Variants in FBLN1 observed in about 807,000 individuals in gnomAD.
FBLN1 encodes fibulin-1.
Under a neutral mutation model 89.7 loss-of-function variants are expected in FBLN1, and 34 were observed. The ratio of observed to expected loss-of-function variants is 0.38; its 90% CI spans 0.29 to 0.50. The LOEUF (loss-of-function observed/expected upper bound fraction) is 0.50, where lower values mean the gene tolerates loss of function less well. Among genes scored for constraint, FBLN1 ranks in the 20% least tolerant of loss-of-function variants. The pLI is 0.92. For missense variants in FBLN1, 777 were observed against 988.1 expected, an observed-to-expected ratio of 0.79 and a Z score of 2.86; for synonymous variants, 393 against 391.3, an observed-to-expected ratio of 1.00 and a Z score of -0.05.
intron 2 of FBLN1, among the ~76,000 whole-genome samples, chr22:45,522,184 A>G (rs1019512773): frequency 1.3e-5 from 2 of 152,024 alleles, no homozygotes; most frequent in African/African-American, 4.8e-5. Flanking sequence ...CGGGAGTTTC[A>G]CCATGTTGGC....
chr22:45,509,606 C>T (rs1378083059), intron 1 of FBLN1, among the ~76,000 whole-genome samples: 2 of 152,178 alleles, frequency 1.3e-5, no homozygotes, highest in Non-Finnish European at 2.9e-5. Context: ...TGGCTGGACC[C>T]CTGGTGGCTT....
At chr22:45,514,050 T>C (rs1194953006) in intron 1 of FBLN1, among the ~76,000 whole-genome samples, 4 of 152,164 alleles carry the variant, frequency 2.6e-5, no homozygotes, top group Non-Finnish European at 5.9e-5. Context: ...CTCGACCTGC[T>C]GGGATTACAG....
rs1043783932 is a variant in FBLN1, at chr22:45,535,710, C to T, written c.922+373C>T. 9.6e-5 allele frequency: 22 copies of T among 229,970 alleles called. No homozygotes were observed. In the Admixed American group the frequency reaches 9.9e-4, roughly 10 times the overall value. The allele number at this position is 229,970 out of a possible 1,614,324, so 14.2% of individuals were successfully genotyped here. A position where few individuals can be genotyped will look rare whatever the true frequency, so the allele number is the denominator to read the frequency against. ...GCTTGGGTTTTGGAGTTAGAGTGACCCAAGAAAATTACTTCTGAGCTTTAA... is the reference window on the plus strand; with the variant it reads ...GCTTGGGTTTTGGAGTTAGAGTGACTCAAGAAAATTACTTCTGAGCTTTAA... On this transcript the variant is annotated intron_variant, in intron 8 of 16. Transcript: ENST00000327858.
chr22:45,535,274 C>A lies in FBLN1; in HGVS notation c.859C>A (p.Arg287Ser). ...CTGTCAGAATACTCTGGGATCCTTC[C>A]GCTGCCGACCCAAGCTACAGTGCAA... ...FICQNTLGSF[R>S]CRPKLQCKSG... The change falls in exon 8 of 17, where the codon CGC (arginine) becomes AGC (serine). Residue 287 changes from arginine to serine, a missense_variant. Physicochemically the swap from Arg to Ser is moderately radical, Grantham distance 110. Coordinates refer to ENST00000327858, the MANE Select transcript of FBLN1 (RefSeq NM_006486.3). 1 of 1,614,178 alleles carries A rather than the reference C, an allele frequency of 6.2e-7. No homozygotes were observed. Among genetic ancestry groups the A allele is most frequent in the Non-Finnish European group, 8.5e-7 (1 of 1,180,040 alleles).
chr22:45,541,214 C>G lies in FBLN1; in HGVS notation c.923-15C>G. On this transcript the variant is annotated splice_polypyrimidine_tract_variant and intron_variant, in intron 8 of 16. Transcript: ENST00000327858. ...CCAGGTTTAACCACATGGTCTCTGT[C>G]TTTTCCCGCTGTAGATATCAATGAG... 1 of 1,614,226 alleles carries G rather than the reference C, an allele frequency of 6.2e-7. No individual in the cohort carries two copies. The highest frequency in any genetic ancestry group is 1.1e-5 in the South Asian group (1 of 91,078).
At chr22:45,589,983 TA>T (rs1208938827) in intron 16 of FBLN1, among the ~76,000 whole-genome samples, 1 of 152,196 alleles carries the variant, frequency 6.6e-6, no homozygotes. Context: ...GAGATTTGCT[TA>T]CCTTTATCAG....
At chr22:45,505,460 C>A (rs1379129439) in intron 1 of FBLN1, among the ~76,000 whole-genome samples, 1 of 152,234 alleles carries the variant, frequency 6.6e-6, no homozygotes, top group Admixed American at 6.5e-5. Flanking sequence ...TCTCCTGCAG[C>A]ACCCACAGCT....
intron 8 of FBLN1, among the ~76,000 whole-genome samples, chr22:45,540,327 G>T (rs1465870137): frequency 1.3e-5 from 2 of 152,216 alleles, no homozygotes; most frequent in Admixed American, 6.5e-5. Flanking sequence ...TGTGGTGCTC[G>T]AGAGCGGTCA....
chr22:45,542,325 G>A (rs760107735), intron 10 of FBLN1, 42 bp downstream of exon 10: 9 of 1,612,120 alleles, frequency 5.6e-6, no homozygotes, highest in Admixed American at 1.7e-5. Flanking sequence ...ACCCAGCCAC[G>A]TGGCACCAGG....
At position 45,575,756 on chromosome 22, in the gene FBLN1, T is replaced by C. The variant is rs1767167119; in HGVS notation, c.1840+1103T>C. On this transcript the variant is annotated intron_variant, in intron 15 of 16. Transcript: ENST00000327858. The surrounding 1 kb of genome is among the most constrained non-coding windows in gnomAD (Gnocchi z 6.3). Reference sequence around the variant, plus strand: ...GGCCTGGGCTGCGTGCTCCCAAGCCTGGCAGAGGGCTATGGATGGAGCATT... The same window carrying C: ...GGCCTGGGCTGCGTGCTCCCAAGCCCGGCAGAGGGCTATGGATGGAGCATT... Among the ~76,000 whole-genome samples the C allele has an allele frequency of 6.6e-6, 1 of 152,168 alleles. No homozygotes were observed. The highest frequency in any genetic ancestry group is 2.1e-4 in the South Asian group (1 of 4,820).
intron 14 of FBLN1, among the ~76,000 whole-genome samples, chr22:45,564,473 C>T (rs942717257): frequency 1.1e-4 from 17 of 152,258 alleles, no homozygotes; most frequent in East Asian, 9.6e-4. Context: ...CCTTGAGCCA[C>T]GCTGCAAGCT....
chr22:45,592,340 T>G (rs563128097), intron 16 of FBLN1, among the ~76,000 whole-genome samples: 35 of 152,308 alleles, frequency 2.3e-4, no homozygotes, highest in African/African-American at 8.2e-4. Context: ...TGTTTTTTCT[T>G]TTTTGAGACA....
At chr22:45,505,275 C>T (rs1010021672) in intron 1 of FBLN1, among the ~76,000 whole-genome samples, 2 of 152,214 alleles carry the variant, frequency 1.3e-5, no homozygotes, top group Non-Finnish European at 2.9e-5. Context: ...AGCCGGGCAG[C>T]GTTTCCGACT....
Position 45,589,819 on chromosome 22 carries a change from C to T in FBLN1, c.1973-10488C>T, listed in dbSNP as rs565837290. ...AGCTGCCTCATGTCTCCACCCTCCC[C>T]GCAGAGCACCCTCCCCGCAGAGCAC... On this transcript the variant is annotated intron_variant, in intron 16 of 16. Coordinates refer to ENST00000327858, the MANE Select transcript of FBLN1 (RefSeq NM_006486.3). 2.0e-3 allele frequency among the ~76,000 whole-genome samples: 296 copies of T among 146,590 alleles called. 1 individual carries two copies. Among genetic ancestry groups the T allele is most frequent in the Non-Finnish European group, 3.8e-3 (261 of 67,804 alleles).
chr22:45,518,720 G>T lies in FBLN1; in HGVS notation c.118G>T (p.Gly40Ter). ...DVLLEACCADGHRMATHQKDC... is the reference protein window; with the variant it reads ...DVLLEACCAD ...CCTCCTGGAGGCCTGCTGTGCGGAC[G>T]GACACCGGATGGCCACTCATCAGAA... is the stretch of plus-strand genomic sequence containing the variant. Residue 40 changes from glycine (G) to a stop codon, truncating the protein, a stop_gained, in exon 2 of 17, where the codon GGA (glycine) becomes TGA (stop). Coordinates refer to ENST00000327858, the MANE Select transcript of FBLN1 (RefSeq NM_006486.3). LOFTEE classifies it high-confidence loss of function. The T allele has an allele frequency of 6.2e-7, 1 of 1,611,834 alleles. No individual in the cohort carries two copies. The highest frequency in any genetic ancestry group is 1.1e-5 in the South Asian group (1 of 90,338).
intron 8 of FBLN1, among the ~76,000 whole-genome samples, chr22:45,535,935 C>T (rs1049600842): frequency 3.3e-5 from 5 of 152,182 alleles, no homozygotes; most frequent in Non-Finnish European, 5.9e-5. Flanking sequence ...GTAATCCTAG[C>T]ACTTTGGGAG....
intron 14 of FBLN1, among the ~76,000 whole-genome samples, chr22:45,554,351 TC>T (rs2088749775): frequency 6.6e-6 from 1 of 152,146 alleles, no homozygotes; most frequent in Non-Finnish European, 1.5e-5. Flanking sequence ...CCTGGAGCAC[TC>T]CCGTTTGGCC....
Position 45,537,520 on chromosome 22 carries a change from T to A in FBLN1, c.922+2183T>A, listed in dbSNP as rs568983727. ...TTGTAATCCCAGCTACTCAAGATGC[T>A]GAGGCAGGAGAATCGCTTGAACCCA... On this transcript the variant is annotated intron_variant, in intron 8 of 16. Transcript: ENST00000327858. This position sits in a 1 kb window ranked among gnomAD's most constrained non-coding sequence, Gnocchi z 5.7. Among the ~76,000 whole-genome samples, 4 of 151,906 alleles carry A rather than the reference T, an allele frequency of 2.6e-5. No individual in the cohort carries two copies. Among genetic ancestry groups the A allele is most frequent in the Admixed American group, 2.6e-4 (4 of 15,246 alleles).
chr22:45,545,055 T>C lies in FBLN1; in HGVS notation c.1321+1529T>C, dbSNP rs1484904310. On this transcript the variant is annotated intron_variant, in intron 11 of 16. Coordinates refer to ENST00000327858, the MANE Select transcript of FBLN1 (RefSeq NM_006486.3). This position sits in a 1 kb window ranked among gnomAD's most constrained non-coding sequence, Gnocchi z 5.9. ...CATGGCAGGTCCTAACATTTTGCCA[T>C]GAGAATTTTCCTTCCTGATGAGATG... is the stretch of plus-strand genomic sequence containing the variant. Among the ~76,000 whole-genome samples, 1 of 152,168 alleles carries C rather than the reference T, an allele frequency of 6.6e-6. No homozygotes were observed. Among genetic ancestry groups the C allele is most frequent in the Non-Finnish European group, 1.5e-5 (1 of 68,036 alleles).
Sources: gnomAD v4.1 joint callset for allele counts (sites outside exome capture counted in the v4.1 genomes callset) on GRCh38, gnomAD v4.1.1 for gene constraint, Gnocchi (gnomAD v3.1) non-coding constraint, MANE v1.5 for transcripts, NCBI Gene and HGNC (gene_info 2026-07-23, HGNC 2026-07-21) for gene names.